Variants in MARCHF8 observed in about 807,000 individuals in gnomAD.
MARCHF8 encodes the protein E3 ubiquitin-protein ligase MARCHF8.
A neutral mutation model predicts 51.6 loss-of-function variants in MARCHF8; 40 were observed. That is an observed-to-expected ratio of 0.77 (90% CI 0.60 to 1.01). The LOEUF (loss-of-function observed/expected upper bound fraction) is 1.01, where lower values mean the gene tolerates loss of function less well. MARCHF8 is among the 50% of genes least tolerant of loss of function. The pLI is 0.00. For synonymous variants in MARCHF8, 263 were observed against 280.3 expected (o/e 0.94, Z 0.62); for missense variants, 685 against 708.6 (o/e 0.97, Z 0.38).
chr10:45,584,126 C>CATATGTAT (rs2044588637), intron 1 of MARCHF8, among the ~76,000 whole-genome samples: 2 of 85,366 alleles, frequency 2.3e-5, no homozygotes, highest in Non-Finnish European at 4.5e-5. Context: ...TATATACAAT[C>CATATGTAT]ATATATATAT....
intron 3 of MARCHF8, among the ~76,000 whole-genome samples, chr10:45,477,933 TCTAAAGGGAGAGACAG>T (rs2042816218): frequency 6.6e-6 from 1 of 152,106 alleles, no homozygotes; most frequent in African/African-American, 2.4e-5. Context: ...TATTATTAAA[TCTAAAGGGAGAGACAG>T]ACTTCAGTAT....
intron 1 of MARCHF8, among the ~76,000 whole-genome samples, chr10:45,588,474 G>A (rs949793187): frequency 6.6e-6 from 1 of 152,062 alleles, no homozygotes; most frequent in Non-Finnish European, 1.5e-5. Flanking sequence ...AAAGTTACCA[G>A]AAAACCATAC....
intron 1 of MARCHF8, among the ~76,000 whole-genome samples, chr10:45,566,468 C>G (rs2044365763): frequency 6.6e-6 from 1 of 152,098 alleles, no homozygotes; most frequent in African/African-American, 2.4e-5. Flanking sequence ...TCTCTACGTC[C>G]ATGAGTTCAA....
intron 1 of MARCHF8, among the ~76,000 whole-genome samples, chr10:45,575,588 C>T (rs1436988210): frequency 1.3e-5 from 2 of 152,116 alleles, no homozygotes; most frequent in Non-Finnish European, 2.9e-5. Flanking sequence ...CTCCTAATCC[C>T]GCCCTGAGAA....
intron 2 of MARCHF8, among the ~76,000 whole-genome samples, chr10:45,503,104 G>A (rs2043310904): frequency 6.6e-6 from 1 of 152,130 alleles, no homozygotes; most frequent in Non-Finnish European, 1.5e-5. Context: ...AATAGACTCT[G>A]AGAAGTATGT....
intron 1 of MARCHF8, among the ~76,000 whole-genome samples, chr10:45,578,775 T>C (rs184240700): frequency 5.9e-5 from 9 of 152,366 alleles, no homozygotes; most frequent in Admixed American, 1.3e-4. Context: ...ACTTTTTTGT[T>C]ATCCTTGCAT....
intron 1 of MARCHF8, among the ~76,000 whole-genome samples, chr10:45,592,805 A>C (rs180962990): frequency 6.6e-6 from 1 of 152,336 alleles, no homozygotes; most frequent in East Asian, 1.9e-4. Flanking sequence ...AGATTTAGGA[A>C]ATATAAATAC....
At chr10:45,537,878 T>C (rs976754066), upstream of MARCHF8, among the ~76,000 whole-genome samples, 4 of 152,144 alleles carry the variant, frequency 2.6e-5, no homozygotes, top group African/African-American at 9.7e-5. Flanking sequence ...AAATTGACTA[T>C]GGTGCTGGTT....
At chr10:45,485,228 G>A (rs891794166) in intron 3 of MARCHF8, among the ~76,000 whole-genome samples, 2 of 152,148 alleles carry the variant, frequency 1.3e-5, no homozygotes, top group Non-Finnish European at 2.9e-5. Flanking sequence ...GGTTACATGT[G>A]GGGTGAAGGT....
At chr10:45,576,597 G>A (rs75710452) in intron 1 of MARCHF8, among the ~76,000 whole-genome samples, 1,822 of 152,006 alleles carry the variant, frequency 0.012, 31 homozygotes, top group African/African-American at 0.042. Flanking sequence ...TGTTGCTAGG[G>A]TATGAACGTG....
intron 2 of MARCHF8, among the ~76,000 whole-genome samples, chr10:45,511,998 G>T (rs1283343097): frequency 1.3e-5 from 2 of 151,022 alleles, no homozygotes; most frequent in Non-Finnish European, 1.5e-5. Context: ...CATCTAGGAA[G>T]TGAGGAGCGC....
intron 2 of MARCHF8, among the ~76,000 whole-genome samples, chr10:45,521,810 T>C (rs995372745): frequency 1.3e-5 from 2 of 152,216 alleles, no homozygotes; most frequent in African/African-American, 4.8e-5. Flanking sequence ...GCTAAAAGAA[T>C]AGTACAATGA....
intron 1 of MARCHF8, among the ~76,000 whole-genome samples, chr10:45,554,980 G>A (rs867019542): frequency 2.6e-5 from 4 of 151,980 alleles, no homozygotes; most frequent in Admixed American, 6.6e-5. Flanking sequence ...GCTTGAACCC[G>A]GAGGCAGAGG....
chr10:45,517,406 T>C (rs73287378), intron 2 of MARCHF8, among the ~76,000 whole-genome samples: 3,748 of 152,272 alleles, frequency 0.025, 157 homozygotes, highest in African/African-American at 0.084. Context: ...GACTGGATCA[T>C]GGGGGCTGAT....
rs1471928102 is a variant in MARCHF8 at position 45,458,145 on chromosome 10, G to A, written c.*94C>T. 2 of 1,256,582 alleles carry A rather than the reference G, an allele frequency of 1.6e-6. No individual in the cohort carries two copies. The highest frequency in any genetic ancestry group is 3.0e-5 in the African/African-American group (2 of 66,678). 77.8% of individuals were successfully genotyped at this position (1,256,582 alleles called of 1,614,324 possible). On this transcript the variant is annotated 3_prime_UTR_variant, in exon 8 of 8. Coordinates refer to ENST00000453424, the MANE Select transcript of MARCHF8 (RefSeq NM_001282866.2). ...ATAAATAGTCACCTGTCCAGTCTATGCTATTAAAGGACATAAGAAAGGTAT... is the reference window on the plus strand; with the variant it reads ...ATAAATAGTCACCTGTCCAGTCTATACTATTAAAGGACATAAGAAAGGTAT...
At chr10:45,516,143 T>C (rs1270541045) in intron 2 of MARCHF8, among the ~76,000 whole-genome samples, 1 of 152,218 alleles carries the variant, frequency 6.6e-6, no homozygotes, top group African/African-American at 2.4e-5. Flanking sequence ...TCCTGTTCTC[T>C]ACAGAGACTT....
chr10:45,464,130 T>C, intron 4 of MARCHF8, 109 bp downstream of exon 4: 1 of 1,551,762 alleles, frequency 6.4e-7, no homozygotes, highest in South Asian at 1.1e-5. Flanking sequence ...GCCAACTGTT[T>C]AGACCAAAGG....
rs545261727 is a variant in MARCHF8 at position 45,529,974 on chromosome 10, G to A, written c.102+3136C>T. ...GGGAAAGAAATCATTATATCAAAAA[G>A]ATACCTGTACTCAAATATTTATTGC... On this transcript the variant is annotated intron_variant, in intron 2 of 7. Transcript: ENST00000453424. 2.0e-5 allele frequency among the ~76,000 whole-genome samples: 3 copies of A among 152,290 alleles called. No homozygotes were observed. The East Asian group carries it at 5.8e-4, about 29-fold the overall frequency.
rs193167240 is a variant in MARCHF8 at position 45,509,015 on chromosome 10, A to T, written c.103-19598T>A. On this transcript the variant is annotated intron_variant, in intron 2 of 7. Transcript: ENST00000453424. Reference sequence around the variant, plus strand: ...ATCTATTTGTTGCTGTTTTATTCTGATGTTTCCCTCAGAGCCTTTTCAATC... The same window carrying T: ...ATCTATTTGTTGCTGTTTTATTCTGTTGTTTCCCTCAGAGCCTTTTCAATC... Among the ~76,000 whole-genome samples the T allele has an allele frequency of 1.8e-3, 271 of 152,252 alleles. 1 individual carries two copies. The highest frequency in any genetic ancestry group is 3.1e-3 in the Non-Finnish European group (208 of 68,000).
Sources: gnomAD v4.1 joint callset for allele counts (sites outside exome capture counted in the v4.1 genomes callset) on GRCh38, gnomAD v4.1.1 for gene constraint, MANE v1.5 for transcripts, NCBI Gene and HGNC (gene_info 2026-07-23, HGNC 2026-07-21) for gene names.